The following CISD1 variants were observed in gnomAD, a reference collection of about 807,000 sequenced individuals.
The protein encoded by CISD1 is CDGSH iron-sulfur domain-containing protein 1.
A neutral mutation model predicts 12.0 loss-of-function variants in CISD1; 8 were observed. That is an observed-to-expected ratio of 0.67 (90% confidence interval 0.39 to 1.20). The LOEUF (loss-of-function observed/expected upper bound fraction) is 1.20. Ranked by LOEUF, CISD1 falls within the 50% of genes most tolerant of loss-of-function variation. The probability of loss-of-function intolerance (pLI) is 0.01; values close to 1 mark genes in which losing one functional copy is unlikely to be tolerated. For missense variants in CISD1, 107 were observed against 132.7 expected, an observed-to-expected ratio of 0.81 and a Z score of 0.95; for synonymous variants, 38 against 42.2, an observed-to-expected ratio of 0.90 and a Z score of 0.39.
At chr10:58,287,001 C>T (rs1289132823) in intron 2 of CISD1, among the ~76,000 whole-genome samples, 2 of 152,110 alleles carry the variant, frequency 1.3e-5, no homozygotes, top group African/African-American at 2.4e-5. Flanking sequence ...GGCACAATCT[C>T]GGCTCACCGC....
chr10:58,281,027 A>C (rs371165648), intron 2 of CISD1, among the ~76,000 whole-genome samples: 1 of 152,366 alleles, frequency 6.6e-6, no homozygotes, highest in South Asian at 2.1e-4. Context: ...AAAGTAACAT[A>C]ATTGCTTGAG....
chr10:58,287,240 A>G (rs928770619), intron 2 of CISD1, among the ~76,000 whole-genome samples: 17 of 152,320 alleles, frequency 1.1e-4, no homozygotes, highest in Non-Finnish European at 2.4e-4. Flanking sequence ...TTTTAAATAA[A>G]TGAACTTAAA....
At chr10:58,273,392 C>T (rs1244665177) in intron 1 of CISD1, 5 of 152,170 alleles carry the variant, frequency 3.3e-5, no homozygotes, top group African/African-American at 9.7e-5. Context: ...CAGCTCCCCT[C>T]CCCCTCTCCT....
chr10:58,286,838 G>C (rs1472012916), intron 2 of CISD1, among the ~76,000 whole-genome samples: 1 of 152,196 alleles, frequency 6.6e-6, no homozygotes, highest in Non-Finnish European at 1.5e-5. Context: ...TGACATATTT[G>C]TATGAAAGTG....
chr10:58,286,694 C>T (rs1839433605), intron 2 of CISD1, among the ~76,000 whole-genome samples: 1 of 152,066 alleles, frequency 6.6e-6, no homozygotes, highest in African/African-American at 2.4e-5. Flanking sequence ...TTAGTTTTGT[C>T]CCTCTCCCTC....
chr10:58,270,819 T>C (rs1839237947), intron 1 of CISD1, among the ~76,000 whole-genome samples: 1 of 152,244 alleles, frequency 6.6e-6, no homozygotes, highest in African/African-American at 2.4e-5. Flanking sequence ...AGGAAATCAC[T>C]GAAGCAGGTT....
At chr10:58,287,235 A>C (rs1229637493) in intron 2 of CISD1, among the ~76,000 whole-genome samples, 1 of 152,188 alleles carries the variant, frequency 6.6e-6, no homozygotes, top group Non-Finnish European at 1.5e-5. Context: ...ATTGATTTTA[A>C]ATAAATGAAC....
At chr10:58,287,345 C>A (rs1329291074) in intron 2 of CISD1, among the ~76,000 whole-genome samples, 1 of 152,188 alleles carries the variant, frequency 6.6e-6, no homozygotes, top group African/African-American at 2.4e-5. Flanking sequence ...ATCACAATCA[C>A]ACTGAAATTC....
At chr10:58,283,911 A>G (rs902773380) in intron 2 of CISD1, among the ~76,000 whole-genome samples, 1 of 152,238 alleles carries the variant, frequency 6.6e-6, no homozygotes, top group African/African-American at 2.4e-5. Context: ...ACATCTTAGA[A>G]TAAATTAAGT....
intron 1 of CISD1, among the ~76,000 whole-genome samples, chr10:58,271,672 A>G (rs1839251185): frequency 6.6e-6 from 1 of 152,252 alleles, no homozygotes; most frequent in Non-Finnish European, 1.5e-5. Context: ...AGTGGTAAGC[A>G]CTATATAAAT....
intron 2 of CISD1, among the ~76,000 whole-genome samples, chr10:58,284,081 G>T (rs1314079105): frequency 6.6e-6 from 1 of 151,922 alleles, no homozygotes; most frequent in Non-Finnish European, 1.5e-5. Context: ...CATTGTATTT[G>T]AAAGTATATA....
At chr10:58,269,630 G>A (rs905663734) in intron 1 of CISD1, among the ~76,000 whole-genome samples, 2 of 152,180 alleles carry the variant, frequency 1.3e-5, no homozygotes, top group Non-Finnish European at 2.9e-5. Context: ...CACATAGCCT[G>A]GAAAAGAAGG....
chr10:58,280,935 G>A (rs1839366723), intron 2 of CISD1, among the ~76,000 whole-genome samples: 1 of 152,188 alleles, frequency 6.6e-6, no homozygotes, highest in Admixed American at 6.5e-5. Context: ...ATGTCCATGT[G>A]AGTTAAAGTG....
Position 58,277,131 on chromosome 10 carries a change from G to A in CISD1, c.46G>A (p.Ala16Thr), listed in dbSNP as rs779299039. The A allele has an allele frequency of 4.3e-5, 69 of 1,606,220 alleles. No individual in the cohort carries two copies. Among genetic ancestry groups the A allele is most frequent in the Non-Finnish European group, 5.3e-5 (62 of 1,175,826 alleles). ...CCCTGCTCTAGTTGAATGGATCGCA[G>A]CAGTTACCATTGCTGCTGGGACAGC... ...SSSVRVEWIAAVTIAAGTAAI... is the reference protein window; with the variant it reads ...SSSVRVEWIATVTIAAGTAAI... Residue 16 changes from alanine (A) to threonine (T), a missense_variant, in exon 2 of 3, where the codon GCA becomes ACA. By Grantham distance (58) the Ala-to-Thr change is moderately conservative. Transcript: ENST00000333926.
intron 2 of CISD1, among the ~76,000 whole-genome samples, chr10:58,281,074 G>C (rs1480942268): frequency 6.6e-6 from 1 of 152,240 alleles, no homozygotes; most frequent in Admixed American, 6.5e-5. Context: ...CAAGTAAAGG[G>C]TGTTTGCTTT....
At chr10:58,287,200 C>T (rs950764902) in intron 2 of CISD1, among the ~76,000 whole-genome samples, 8 of 152,176 alleles carry the variant, frequency 5.3e-5, no homozygotes, top group African/African-American at 1.4e-4. Flanking sequence ...AGATTACAGG[C>T]ATGAGCCATC....
At chr10:58,270,478 TTGTGAAA>T (rs1380795826) in intron 1 of CISD1, among the ~76,000 whole-genome samples, 5 of 152,246 alleles carry the variant, frequency 3.3e-5, no homozygotes, top group Admixed American at 3.3e-4. Flanking sequence ...GGATTAAGAC[TTGTGAAA>T]TGAGATGTTC....
Position 58,269,216 on chromosome 10 carries a change from C to G in CISD1, c.-58C>G. ...CGCTGGCACCTTTACTCTCGCCGGC[C>G]GCGCGAACCCGTTTGAGCTCGGTAT... On this transcript the variant is annotated 5_prime_UTR_variant, in exon 1 of 3. Coordinates refer to ENST00000333926, the MANE Select transcript of CISD1 (RefSeq NM_018464.5). The G allele has an allele frequency of 6.3e-7, 1 of 1,579,860 alleles. No homozygotes were observed. The highest frequency in any genetic ancestry group is 8.6e-7 in the Non-Finnish European group (1 of 1,159,466).
chr10:58,277,307 T>C lies in CISD1; in HGVS notation c.222T>C (p.Cys74=), dbSNP rs1839326332. 7.6e-6 allele frequency: 12 copies of C among 1,586,810 alleles called. No individual in the cohort carries two copies. The highest frequency in any genetic ancestry group is 1.0e-5 in the Non-Finnish European group (12 of 1,168,240). Residue 74 remains cysteine, a synonymous_variant, in exon 2 of 3, where the codon TGT becomes TGC. Transcript: ENST00000333926. ...GAGATAAAGCTGTGTACTGCCGTTGTTGGAGGTCCAAAAAGGTGAGGAAAG... is the reference window on the plus strand; with the variant it reads ...GAGATAAAGCTGTGTACTGCCGTTGCTGGAGGTCCAAAAAGGTGAGGAAAG... ...DLGDKAVYCR[C]WRSKKFPFCD...
Sources: allele counts gnomAD v4.1 joint callset (sites outside exome capture counted in the v4.1 genomes callset), GRCh38; gene constraint gnomAD v4.1.1; transcripts MANE v1.5; gene names NCBI Gene and HGNC (gene_info 2026-07-23, HGNC 2026-07-21).